Variants in CAST observed in about 807,000 individuals in gnomAD.
CAST encodes MIR583 host.
CAST carries 76 observed loss-of-function variants against 119.6 expected under a neutral mutation model. The observed-to-expected ratio is 0.64, with a 90% confidence interval of 0.53 to 0.77. The LOEUF (loss-of-function observed/expected upper bound fraction) is 0.77. Among genes scored for constraint, CAST ranks in the 30% least tolerant of loss-of-function variants. The pLI, the probability that CAST is intolerant of heterozygous loss-of-function variation, is 0.00. For missense variants in CAST, 953 were observed against 946.5 expected (o/e 1.01, Z -0.09); for synonymous variants, 319 against 331.6 (o/e 0.96, Z 0.41).
At chr5:95,988,228 A>G in the CAST span, among the ~76,000 whole-genome samples, 1 of 152,226 alleles carries the variant, frequency 6.6e-6, no homozygotes, top group Non-Finnish European at 1.5e-5. Flanking sequence ...AATCGATTCT[A>G]CAAATAATGA....
chr5:96,588,196 C>CTTTTTTTTTTTT (rs140665192), intron 1 of CAST, among the ~76,000 whole-genome samples: 1,132 of 75,882 alleles, frequency 0.015, 58 homozygotes, highest in Middle Eastern at 0.025. Context: ...TTCTTTCTTT[C>CTTTTTTTTTTTT]TTTTTTTTTT....
chr5:96,535,042 A>T (rs1304650973), intron 1 of CAST, among the ~76,000 whole-genome samples: 1 of 152,208 alleles, frequency 6.6e-6, no homozygotes, highest in East Asian at 1.9e-4. Flanking sequence ...CATTTCATTG[A>T]CTTTCAGTTT....
the CAST span, among the ~76,000 whole-genome samples, chr5:96,105,447 G>A: frequency 2.6e-5 from 4 of 152,140 alleles, no homozygotes; most frequent in Non-Finnish European, 4.4e-5. Context: ...TAGCATGAAG[G>A]TTGTTCAATT....
chr5:96,093,852 T>C, the CAST span, among the ~76,000 whole-genome samples: 1 of 152,182 alleles, frequency 6.6e-6, no homozygotes, highest in Admixed American at 6.5e-5. Flanking sequence ...AAGAAACTAT[T>C]CAAAGTCCTA....
At chr5:96,398,802 A>G in the CAST span, 1 of 1,169,390 alleles carries the variant, frequency 8.6e-7, no homozygotes. Context: ...TTCTATGAAT[A>G]AACAAAAGCA....
intron 8 of CAST, 77 bp from the exon 9 acceptor site, chr5:96,730,703 C>A: frequency 1.9e-6 from 2 of 1,048,050 alleles, no homozygotes; most frequent in South Asian, 1.3e-5. Context: ...ATGTTAGTGA[C>A]ATTTGAAACT....
the CAST span, among the ~76,000 whole-genome samples, chr5:96,026,945 A>G: frequency 6.6e-6 from 1 of 152,180 alleles, no homozygotes; most frequent in African/African-American, 2.4e-5. Context: ...ATAGTGGCTC[A>G]TGCCTATAAT....
the CAST span, among the ~76,000 whole-genome samples, chr5:96,205,367 T>C: frequency 3.9e-5 from 6 of 152,056 alleles, no homozygotes; most frequent in African/African-American, 1.4e-4. Context: ...GTTTGTTCTG[T>C]AGATAAATTG....
chr5:96,416,586 A>T, the CAST span, among the ~76,000 whole-genome samples: 1 of 152,324 alleles, frequency 6.6e-6, no homozygotes, highest in African/African-American at 2.4e-5. Context: ...GGATTAGATT[A>T]TCCTTGATCA....
chr5:96,253,308 G>T, the CAST span, among the ~76,000 whole-genome samples: 2 of 152,024 alleles, frequency 1.3e-5, no homozygotes, highest in Admixed American at 6.6e-5. Flanking sequence ...TGGATCAGTG[G>T]TTATCAAACT....
chr5:96,733,748 A>G (rs1761060852), intron 9 of CAST, among the ~76,000 whole-genome samples: 1 of 152,182 alleles, frequency 6.6e-6, no homozygotes, highest in South Asian at 2.1e-4. Flanking sequence ...ATGGTGGCAC[A>G]GGCCTGTAAT....
the CAST span, among the ~76,000 whole-genome samples, chr5:96,321,444 C>T: frequency 2.0e-5 from 3 of 152,218 alleles, no homozygotes. Context: ...AATACTGCTG[C>T]CTTCTTAGGC....
At chr5:96,736,054 G>GC in intron 9 of CAST, 118 bp from the exon 10 acceptor site, 1 of 631,202 alleles carries the variant, frequency 1.6e-6, no homozygotes, top group Non-Finnish European at 2.7e-6. Flanking sequence ...CTGCTGTAGA[G>GC]CGGATGTTCA....
upstream of CAST, among the ~76,000 whole-genome samples, chr5:96,522,159 T>A (rs1745528683): frequency 6.6e-6 from 1 of 152,182 alleles, no homozygotes; most frequent in Non-Finnish European, 1.5e-5. Flanking sequence ...TCTGTTTATT[T>A]AATGTTTCTT....
the CAST span, among the ~76,000 whole-genome samples, chr5:96,514,857 T>G: frequency 2.6e-5 from 4 of 152,314 alleles, no homozygotes; most frequent in African/African-American, 9.6e-5. Context: ...GTTCAAGCGA[T>G]TCTCATGCCT....
chr5:96,436,057 G>A, the CAST span, among the ~76,000 whole-genome samples: 1 of 152,216 alleles, frequency 6.6e-6, no homozygotes, highest in Non-Finnish European at 1.5e-5. Flanking sequence ...AGATGTTAAA[G>A]AATGGGTAAG....
At chr5:96,443,778 C>T in the CAST span, among the ~76,000 whole-genome samples, 3 of 152,212 alleles carry the variant, frequency 2.0e-5, no homozygotes, top group Admixed American at 2.0e-4. Context: ...TGCCTACGCT[C>T]TATATCCTTC....
At chr5:96,620,416 A>G (rs1747580993) in intron 1 of CAST, among the ~76,000 whole-genome samples, 1 of 151,858 alleles carries the variant, frequency 6.6e-6, no homozygotes, top group Non-Finnish European at 1.5e-5. Context: ...GGCTAGCAGT[A>G]TGCTTCATGA....
the CAST span, among the ~76,000 whole-genome samples, chr5:96,034,589 G>C: frequency 6.7e-6 from 1 of 148,462 alleles, no homozygotes; most frequent in Non-Finnish European, 1.5e-5. Context: ...ACTCACATAT[G>C]CATTACCTAA....
Sources: gnomAD v4.1 joint callset for allele counts (sites outside exome capture counted in the v4.1 genomes callset) on GRCh38, gnomAD v4.1.1 for gene constraint, MANE v1.5 for transcripts, NCBI Gene and HGNC (gene_info 2026-07-23, HGNC 2026-07-21) for gene names.